PDZD8: variants seen among roughly 807,000 people sequenced by gnomAD.
The protein encoded by PDZD8 is PDZ domain-containing protein 8.
PDZD8 carries 14 observed loss-of-function variants against 85.8 expected under a neutral mutation model. The ratio of observed to expected loss-of-function variants is 0.16; its 90% CI spans 0.11 to 0.26. PDZD8 has a LOEUF of 0.26. Ranked by LOEUF, PDZD8 falls within the 10% of genes least tolerant of loss-of-function variation. PDZD8 has a pLI of 1.00. For missense variants in PDZD8, 1,197 were observed against 1,424.3 expected, an observed-to-expected ratio of 0.84 and a Z score of 2.57; for synonymous variants, 592 against 568.6, an observed-to-expected ratio of 1.04 and a Z score of -0.59.
rs775543588 is a variant in PDZD8 at position 117,374,334 on chromosome 10, C to T, written c.872+22G>A. 3.1e-6 allele frequency: 5 copies of T among 1,607,296 alleles called. No individual in the cohort carries two copies. In the East Asian group the frequency reaches 6.7e-5, roughly 22 times the overall value. ...GGCCCGGGTTCCCGGCAGCCAGGCCCCCTCCCCGACCTCCAGCTCACCTGA... is the reference window on the plus strand; with the variant it reads ...GGCCCGGGTTCCCGGCAGCCAGGCCTCCTCCCCGACCTCCAGCTCACCTGA... On this transcript the variant is annotated intron_variant, in intron 1 of 4. Coordinates refer to ENST00000334464, the MANE Select transcript of PDZD8 (RefSeq NM_173791.5). The surrounding 1 kb of genome is among the most constrained non-coding windows in gnomAD (Gnocchi z 7.8).
intron 3 of PDZD8, among the ~76,000 whole-genome samples, chr10:117,316,208 C>G (rs1189807060): frequency 6.6e-6 from 1 of 152,130 alleles, no homozygotes; most frequent in Non-Finnish European, 1.5e-5. Context: ...CCTATGAGCT[C>G]TTTTATTGTA....
At chr10:117,321,622 G>T (rs924709557) in intron 2 of PDZD8, among the ~76,000 whole-genome samples, 6 of 151,928 alleles carry the variant, frequency 3.9e-5, no homozygotes, top group Admixed American at 6.6e-5. Context: ...ATTTTAAATG[G>T]GTGAATTGCA....
At chr10:117,358,192 G>A (rs80006240) in intron 1 of PDZD8, among the ~76,000 whole-genome samples, 2 of 152,126 alleles carry the variant, frequency 1.3e-5, no homozygotes, top group Non-Finnish European at 2.9e-5. Flanking sequence ...TGTAATCTTA[G>A]AGACCTGAGT....
intron 1 of PDZD8, among the ~76,000 whole-genome samples, chr10:117,367,475 G>A (rs1845110417): frequency 6.6e-6 from 1 of 152,052 alleles, no homozygotes; most frequent in Non-Finnish European, 1.5e-5. Context: ...TCCCCTCAAT[G>A]AATAAATCAA....
Position 117,369,621 on chromosome 10 carries a change from G to A in PDZD8, c.872+4735C>T, listed in dbSNP as rs12244411. Among the ~76,000 whole-genome samples, 12 of 151,940 alleles carry A rather than the reference G, an allele frequency of 7.9e-5. No homozygotes were observed. The South Asian group carries it at 8.3e-4, about 11-fold the overall frequency. The stretch of plus-strand genomic sequence containing the variant: ...TGCTCCCTATTTACTCCTCCAGTAC[G>A]GGTCTCAAATTCATATAACTCCAAG... On this transcript the variant is annotated intron_variant, in intron 1 of 4. Transcript: ENST00000334464.
At chr10:117,338,921 C>T (rs1042666182) in intron 2 of PDZD8, among the ~76,000 whole-genome samples, 1 of 152,200 alleles carries the variant, frequency 6.6e-6, no homozygotes, top group East Asian at 1.9e-4. Context: ...CAATACCTAA[C>T]CCCACCAGCA....
At chr10:117,296,066 A>G (rs1011118344) in intron 3 of PDZD8, among the ~76,000 whole-genome samples, 2 of 152,020 alleles carry the variant, frequency 1.3e-5, no homozygotes, top group African/African-American at 4.8e-5. Context: ...GATCCTATAC[A>G]TAGAAAATTC....
rs749510020 is a variant in PDZD8 at position 117,375,115 on chromosome 10, G to A, written c.113C>T (p.Ala38Val). The change falls in exon 1 of 5, where the codon GCC becomes GTC. Residue 38 changes from alanine (A) to valine (V), a missense_variant. This residue lies in a region of PDZD8 where 172 missense variants were observed against 137.8 expected (regional missense o/e 1.25). Coordinates refer to ENST00000334464, the MANE Select transcript of PDZD8 (RefSeq NM_173791.5). ...GCGGAAGCCCTCGCCCGCGCGGGCG[G>A]CCTCGTCCGCCGGCGGCTCGGGCTG... ...RRQPEPPADE[A>V]ARAGEGFRYI... is the part of the protein sequence containing the mutation. The A allele has an allele frequency of 2.4e-5, 38 of 1,592,966 alleles. No homozygotes were observed. The highest frequency in any genetic ancestry group is 3.2e-5 in the Non-Finnish European group (38 of 1,175,266).
Position 117,283,779 on chromosome 10 carries a change from C to T in PDZD8, c.2954G>A (p.Cys985Tyr). Residue 985 changes from cysteine (C) to tyrosine (Y), a missense_variant, in exon 5 of 5, where the codon TGT (cysteine) becomes TAT (tyrosine). Coordinates refer to ENST00000334464, the MANE Select transcript of PDZD8 (RefSeq NM_173791.5). The part of the protein sequence containing the change: ...SDNEGSDTEV[C>Y]GPNSPSKRGN... ...CCGTTTAGAAGGACTGTTTGGACCACAGACCTCCGTGTCACTGCCTTCGTT... is the reference window on the plus strand; with the variant it reads ...CCGTTTAGAAGGACTGTTTGGACCATAGACCTCCGTGTCACTGCCTTCGTT... 6.2e-7 allele frequency: 1 copy of T among 1,614,226 alleles called. No homozygotes were observed. The highest frequency in any genetic ancestry group is 8.5e-7 in the Non-Finnish European group (1 of 1,180,038).
chr10:117,299,578 G>T (rs1843811667), intron 3 of PDZD8, among the ~76,000 whole-genome samples: 1 of 152,182 alleles, frequency 6.6e-6, no homozygotes, highest in African/African-American at 2.4e-5. Context: ...CAGCTCTGAA[G>T]TTCTTTCTTC....
Position 117,282,040 on chromosome 10 carries a change from A to G in PDZD8, c.*1228T>C, listed in dbSNP as rs1475874636. On this transcript the variant is annotated 3_prime_UTR_variant, in exon 5 of 5. Transcript: ENST00000334464. ...CCCGTAAAATGGACCCAGTGTGAGTATATCTTCATTTTCAGAGAACTGGTC... is the reference window on the plus strand; with the variant it reads ...CCCGTAAAATGGACCCAGTGTGAGTGTATCTTCATTTTCAGAGAACTGGTC... The G allele has an allele frequency of 6.6e-6, 1 of 152,312 alleles. No individual in the cohort carries two copies. The highest frequency in any genetic ancestry group is 1.9e-4 in the East Asian group (1 of 5,186). The allele number at this position is 152,312 out of a possible 1,614,324, so 9.4% of individuals were successfully genotyped here. A position where few individuals can be genotyped will look rare whatever the true frequency, so the allele number is the denominator to read the frequency against.
At chr10:117,331,444 T>C (rs575096069) in intron 2 of PDZD8, among the ~76,000 whole-genome samples, 50 of 152,330 alleles carry the variant, frequency 3.3e-4, no homozygotes, top group African/African-American at 1.0e-3. Context: ...GTCTGGACTA[T>C]ATAAGTTGAG....
intron 2 of PDZD8, among the ~76,000 whole-genome samples, chr10:117,339,338 T>C (rs1242459036): frequency 6.6e-6 from 1 of 152,156 alleles, no homozygotes; most frequent in Admixed American, 6.5e-5. Context: ...GAGGATAGTA[T>C]ACTTGTACTT....
intron 1 of PDZD8, among the ~76,000 whole-genome samples, chr10:117,348,130 A>C (rs1230870581): frequency 6.6e-6 from 1 of 152,238 alleles, no homozygotes; most frequent in East Asian, 1.9e-4. Flanking sequence ...ATAGCTGTTA[A>C]AATGAAAACC....
At chr10:117,365,845 C>T (rs950963167) in intron 1 of PDZD8, among the ~76,000 whole-genome samples, 2 of 152,146 alleles carry the variant, frequency 1.3e-5, no homozygotes, top group African/African-American at 4.8e-5. Flanking sequence ...GAGGTAAGAA[C>T]AAAGTCATTT....
chr10:117,339,901 A>AT (rs1844581245), intron 2 of PDZD8, among the ~76,000 whole-genome samples: 2 of 152,262 alleles, frequency 1.3e-5, no homozygotes, highest in South Asian at 4.1e-4. Context: ...CATGGTGAGG[A>AT]TTTGGGTCCA....
rs192386833 is a variant in PDZD8 at position 117,332,947 on chromosome 10, C to A, written c.995+8033G>T. Among the ~76,000 whole-genome samples, 130 of 150,784 alleles carry A rather than the reference C, an allele frequency of 8.6e-4. 2 individuals are homozygous for A. In the East Asian group the frequency reaches 0.017, roughly 19 times the overall value. ...AGCCAGGCCAACATGGTGAAACGCC[C>A]GTCTCTACTAAAAATACAAAAATTA... On this transcript the variant is annotated intron_variant, in intron 2 of 4. Transcript: ENST00000334464.
chr10:117,344,115 T>C (rs1442238965), intron 1 of PDZD8, among the ~76,000 whole-genome samples: 2 of 152,212 alleles, frequency 1.3e-5, no homozygotes, highest in African/African-American at 4.8e-5. Context: ...CTTCCTCCTG[T>C]AGAAAACTTA....
intron 1 of PDZD8, among the ~76,000 whole-genome samples, chr10:117,357,822 G>T (rs796179910): frequency 0.015 from 1,574 of 104,076 alleles, 42 homozygotes; most frequent in African/African-American, 0.051. Context: ...AAAAAAAAAA[G>T]GCCTACACGA....
Sources: gnomAD v4.1 joint callset for allele counts (sites outside exome capture counted in the v4.1 genomes callset) on GRCh38, gnomAD v4.1.1 for gene constraint, gnomAD v4.1.1 regional missense constraint, Gnocchi (gnomAD v3.1) non-coding constraint, MANE v1.5 for transcripts, NCBI Gene and HGNC (gene_info 2026-07-23, HGNC 2026-07-21) for gene names.